Variants in SP1 observed in about 807,000 individuals in gnomAD.
SP1 encodes the protein transcription factor Sp1.
Under a neutral mutation model 66.3 loss-of-function variants are expected in SP1, and 6 were observed. That is an observed-to-expected ratio of 0.09 (90% CI 0.05 to 0.18). The LOEUF is 0.18. Among genes scored for constraint, SP1 ranks in the 10% least tolerant of loss-of-function variants. The probability of loss-of-function intolerance (pLI) is 1.00; values close to 1 mark genes in which losing one functional copy is unlikely to be tolerated. For synonymous variants in SP1, 417 were observed against 360.8 expected, an observed-to-expected ratio of 1.16 and a Z score of -1.77; for missense variants, 848 against 964.5, an observed-to-expected ratio of 0.88 and a Z score of 1.60.
chr12:53,395,557 T>C (rs961768711), intron 3 of SP1, among the ~76,000 whole-genome samples: 1 of 152,132 alleles, frequency 6.6e-6, no homozygotes, highest in African/African-American at 2.4e-5. Flanking sequence ...GAGAAAAGTA[T>C]AAAAGTAAAA....
At chr12:53,396,713 G>C in intron 3 of SP1, among the ~76,000 whole-genome samples, 1 of 152,176 alleles carries the variant, frequency 6.6e-6, no homozygotes. Flanking sequence ...GAAAGTTGCA[G>C]ACAAATGTAT....
Position 53,415,344 on chromosome 12 carries a change from G to A in SP1, c.*4104G>A, listed in dbSNP as rs915466145. The A allele has an allele frequency of 6.6e-6, 1 of 152,318 alleles. No individual in the cohort carries two copies. Among genetic ancestry groups the A allele is most frequent in the African/African-American group, 2.4e-5 (1 of 41,332 alleles). The allele number at this position is 152,318 out of a possible 1,614,324, so 9.4% of individuals were successfully genotyped here. On this transcript the variant is annotated 3_prime_UTR_variant, in exon 6 of 6. Coordinates refer to ENST00000327443, the MANE Select transcript of SP1 (RefSeq NM_138473.3). ...CCAGCCCCCAGGAAGACATTAAGCA[G>A]CCTTAAGCTTAAATTCCTACTCCCT...
chr12:53,401,046 G>A (rs1938598273), intron 3 of SP1, among the ~76,000 whole-genome samples: 1 of 152,008 alleles, frequency 6.6e-6, no homozygotes, highest in South Asian at 2.1e-4. Flanking sequence ...TGGGATTGCA[G>A]GCATGAGCCA....
chr12:53,393,592 C>CTTTTTTTTTT (rs35813851), intron 3 of SP1, among the ~76,000 whole-genome samples: 1 of 130,454 alleles, frequency 7.7e-6, no homozygotes. Flanking sequence ...CTGCATTTTC[C>CTTTTTTTTTT]TTTTTTTTTT....
chr12:53,382,730 T>G lies in SP1; in HGVS notation c.783T>G (p.Asn261Lys). ...TGACCAATGTACCAGTGGCCCTGAA[T>G]GGGAACATCACCTTGCTACCTGTCA... ...QYVTNVPVAL[N>K]GNITLLPVNS... The change falls in exon 3 of 6, where the codon AAT (asparagine) becomes AAG (lysine). Residue 261 changes from asparagine to lysine, a missense_variant. Asn to Lys is a moderately conservative substitution (Grantham distance 94). Coordinates refer to ENST00000327443, the MANE Select transcript of SP1 (RefSeq NM_138473.3). 1 of 1,614,152 alleles carries G rather than the reference T, an allele frequency of 6.2e-7. No individual in the cohort carries two copies. Among genetic ancestry groups the G allele is most frequent in the African/African-American group, 1.3e-5 (1 of 75,038 alleles).
intron 3 of SP1, among the ~76,000 whole-genome samples, chr12:53,396,274 C>T (rs1015050193): frequency 9.8e-6 from 1 of 102,062 alleles, no homozygotes; most frequent in South Asian, 3.3e-4. Flanking sequence ...GACTCCGTCT[C>T]AAAAAAAAAA....
rs764199469 is a variant in SP1 at position 53,409,343 on chromosome 12, G to A, written c.1845-19G>A. ...TTTTCTCTAGAATGAATGATTAACA[G>A]TTGTGTCCTCACTTTCAGGGGCTCG... On this transcript the variant is annotated intron_variant, in intron 4 of 5. Transcript: ENST00000327443. 6.2e-7 allele frequency: 1 copy of A among 1,606,538 alleles called. No individual in the cohort carries two copies. The highest frequency in any genetic ancestry group is 1.1e-5 in the South Asian group (1 of 90,630).
At chr12:53,386,000 T>C (rs1938221532) in intron 3 of SP1, among the ~76,000 whole-genome samples, 2 of 152,190 alleles carry the variant, frequency 1.3e-5, no homozygotes, top group Non-Finnish European at 2.9e-5. Context: ...CTGTAACTCC[T>C]AATTGAAGGG....
chr12:53,409,805 C>T (rs879810428), intron 5 of SP1, among the ~76,000 whole-genome samples: 19 of 151,336 alleles, frequency 1.3e-4, no homozygotes, highest in Non-Finnish European at 1.8e-4. Context: ...GTCAGGAGAT[C>T]GAGACCATTC....
At chr12:53,383,647 TATTG>T in intron 3 of SP1, 25 bp downstream of exon 3, 1 of 1,567,448 alleles carries the variant, frequency 6.4e-7, no homozygotes, top group Non-Finnish European at 8.7e-7. Flanking sequence ...CTTGTGCATT[TATTG>T]GGAACCAACT....
Position 53,412,420 on chromosome 12 carries a change from G to A in SP1, c.*1180G>A, listed in dbSNP as rs1938912354. 2 of 152,622 alleles carry A rather than the reference G, an allele frequency of 1.3e-5. No individual in the cohort carries two copies. Among genetic ancestry groups the A allele is most frequent in the Non-Finnish European group, 2.9e-5 (2 of 68,028 alleles). The allele number at this position is 152,622 out of a possible 1,614,324, so 9.5% of individuals were successfully genotyped here. Reference sequence around the variant, plus strand: ...TTCCAAGGTAGCTCTAAGTTTTGATGTGTGGGCTTCTGAGTTTATATTCTG... The same window carrying A: ...TTCCAAGGTAGCTCTAAGTTTTGATATGTGGGCTTCTGAGTTTATATTCTG... On this transcript the variant is annotated 3_prime_UTR_variant, in exon 6 of 6. Coordinates refer to ENST00000327443, the MANE Select transcript of SP1 (RefSeq NM_138473.3).
chr12:53,404,125 C>T (rs1592569494), intron 3 of SP1, among the ~76,000 whole-genome samples: 2 of 150,362 alleles, frequency 1.3e-5, no homozygotes, highest in Non-Finnish European at 3.0e-5. Flanking sequence ...GAGCCGAGAT[C>T]GCGCTACTGC....
At chr12:53,380,876 T>G (rs1226501035) in intron 1 of SP1, among the ~76,000 whole-genome samples, 3 of 151,566 alleles carry the variant, frequency 2.0e-5, no homozygotes, top group African/African-American at 7.3e-5. Context: ...TATTCACAAA[T>G]GTTTTTCTAC....
At chr12:53,383,745 C>T (rs1323154294) in intron 3 of SP1, 123 bp downstream of exon 3, 3 of 776,682 alleles carry the variant, frequency 3.9e-6, no homozygotes, top group Non-Finnish European at 6.1e-6. Flanking sequence ...GTCATTTAGG[C>T]AAATAAATTT....
intron 3 of SP1, among the ~76,000 whole-genome samples, chr12:53,389,392 C>A (rs9738393): frequency 0.18 from 27,500 of 151,232 alleles, 2,582 homozygotes; most frequent in African/African-American, 0.21. Context: ...TATTTTTAAT[C>A]GAGATTGAGT....
At position 53,381,799 on chromosome 12, in the gene SP1, G is replaced by A. The variant is rs1938105496; in HGVS notation, c.148G>A (p.Gly50Arg). ...CAGCACAGGCAGTAGCAGCAGCACT[G>A]GAGGAGGAGGGCAGGTAAGTGATAA... ...SSSTGSSSSTGGGGQESQPSP... is the reference protein window; with the variant it reads ...SSSTGSSSSTRGGGQESQPSP... The change falls in exon 2 of 6, where the codon GGA becomes AGA. Residue 50 changes from glycine (G) to arginine (R), a missense_variant. By Grantham distance (125) the Gly-to-Arg change is moderately radical. Coordinates refer to ENST00000327443, the MANE Select transcript of SP1 (RefSeq NM_138473.3). 6.2e-7 allele frequency: 1 copy of A among 1,613,134 alleles called. No homozygotes were observed. Among genetic ancestry groups the A allele is most frequent in the Non-Finnish European group, 8.5e-7 (1 of 1,179,698 alleles).
intron 3 of SP1, among the ~76,000 whole-genome samples, chr12:53,392,417 C>T (rs936131383): frequency 6.1e-5 from 8 of 130,422 alleles, no homozygotes; most frequent in African/African-American, 9.0e-5. Flanking sequence ...AGTGCAGTGG[C>T]GGGATCTCGG....
At chr12:53,395,321 CA>C (rs1410105924) in intron 3 of SP1, among the ~76,000 whole-genome samples, 2 of 152,122 alleles carry the variant, frequency 1.3e-5, no homozygotes, top group Admixed American at 1.3e-4. Context: ...GCCTGGGCGA[CA>C]GAGTGAAACT....
chr12:53,411,473 T>G lies in SP1; in HGVS notation c.*233T>G, dbSNP rs1272576008. ...AGTGAAAATTCTGTTGGTGCCACGC[T>G]TTGATGAGCATTTGTTTGACCCCAG... On this transcript the variant is annotated 3_prime_UTR_variant, in exon 6 of 6. Transcript: ENST00000327443. 2.2e-6 allele frequency: 1 copy of G among 456,610 alleles called. No individual in the cohort carries two copies. Among genetic ancestry groups the G allele is most frequent in the African/African-American group, 2.0e-5 (1 of 50,356 alleles). The allele number at this position is 456,610 out of a possible 1,614,324, so 28.3% of individuals were successfully genotyped here.
Sources: allele counts gnomAD v4.1 joint callset (sites outside exome capture counted in the v4.1 genomes callset), GRCh38; gene constraint gnomAD v4.1.1; transcripts MANE v1.5; gene names NCBI Gene and HGNC (gene_info 2026-07-23, HGNC 2026-07-21).